Variants in HPSE observed in about 807,000 individuals in gnomAD.
HPSE encodes heparanase.
A neutral mutation model predicts 65.1 loss-of-function variants in HPSE; 48 were observed. The observed-to-expected ratio is 0.74, with a 90% confidence interval of 0.58 to 0.94. HPSE has a LOEUF of 0.94. Ranked by LOEUF, HPSE falls within the 40% of genes least tolerant of loss-of-function variation. HPSE has a pLI of 0.00. For synonymous variants in HPSE, 243 were observed against 260.0 expected (o/e 0.93, Z 0.63); for missense variants, 644 against 637.5 (o/e 1.01, Z -0.11).
chr4:83,319,447 G>T lies in HPSE; in HGVS notation c.396C>A (p.Ile132=), dbSNP rs769108131. The T allele has an allele frequency of 3.1e-6, 5 of 1,613,500 alleles. No individual in the cohort carries two copies. The Admixed American group carries it at 8.3e-5, about 27-fold the overall frequency. The change falls in exon 3 of 12, where the codon ATC becomes ATA. Residue 132 remains isoleucine, a synonymous_variant. Coordinates refer to ENST00000311412, the MANE Select transcript of HPSE (RefSeq NM_001098540.3). ...VNQDICKYGS[I]PPDVEEKLRL... is the part of the protein sequence containing the mutation. ...GTAACTTCTCCTCCACATCAGGAGGGATGGATCCATATTTGCAAATATCTG... is the reference window on the plus strand; with the variant it reads ...GTAACTTCTCCTCCACATCAGGAGGTATGGATCCATATTTGCAAATATCTG...
intron 11 of HPSE, 45 bp downstream of exon 11, chr4:83,300,915 A>G: frequency 7.4e-7 from 1 of 1,344,530 alleles, no homozygotes. Flanking sequence ...GATAAACACC[A>G]ATAAATTTAT....
rs114521203 is a variant in HPSE at position 83,319,256 on chromosome 4, C to T, written c.499+88G>A. ...AGTATTTTCAGCTTTATACAACTTC[C>T]GTAGGACTTGCTAGATTGGTGCCCG... On this transcript the variant is annotated intron_variant, in intron 3 of 11. Transcript: ENST00000311412. The T allele has an allele frequency of 9.2e-4, 1,218 of 1,323,812 alleles. 12 individuals carry two copies. The African/African-American group carries it at 0.016, about 17-fold the overall frequency. The allele number at this position is 1,323,812 out of a possible 1,614,324, so 82.0% of individuals were successfully genotyped here. A position where few individuals can be genotyped will look rare whatever the true frequency, so the allele number is the denominator to read the frequency against.
intron 11 of HPSE, among the ~76,000 whole-genome samples, chr4:83,299,879 A>T (rs886101496): frequency 2.0e-5 from 3 of 151,868 alleles, no homozygotes; most frequent in Admixed American, 2.0e-4. Flanking sequence ...TAATTTTGGT[A>T]TATTTTGTAG....
chr4:83,333,529 G>A (rs62303705), intron 1 of HPSE, among the ~76,000 whole-genome samples: 1 of 152,170 alleles, frequency 6.6e-6, no homozygotes, highest in Admixed American at 6.5e-5. Flanking sequence ...ATCTGGGCTG[G>A]TCAAGATGTG....
In HPSE at chr4:83,309,402, C is replaced by T. The variant is rs764072489; in HGVS notation, c.984G>A (p.Gln328=). The T allele has an allele frequency of 3.3e-6, 5 of 1,513,768 alleles. No homozygotes were observed. Among genetic ancestry groups the T allele is most frequent in the Admixed American group, 3.7e-5 (2 of 53,686 alleles). 93.8% of individuals were successfully genotyped at this position (1,513,768 alleles called of 1,614,324 possible). The part of the protein sequence containing the change: ...IFISSVQKVF[Q]VVESTRPGKK... ...TTAAAAAGTTTAAAAAGACTATTAC[C>T]TGGAAAACTTTTTGCACAGATGAAA... Residue 328 remains glutamine (Q), a splice_region_variant and synonymous_variant, in exon 7 of 12, where the codon CAG becomes CAA. Transcript: ENST00000311412.
At chr4:83,299,167 C>T (rs1560503230) in intron 11 of HPSE, among the ~76,000 whole-genome samples, 1 of 151,802 alleles carries the variant, frequency 6.6e-6, no homozygotes, top group African/African-American at 2.4e-5. Context: ...AGTTCAAGAC[C>T]AGCCTGGCCC....
chr4:83,311,982 G>A (rs768773505), intron 4 of HPSE, among the ~76,000 whole-genome samples: 13 of 152,128 alleles, frequency 8.5e-5, no homozygotes, highest in Admixed American at 3.3e-4. Flanking sequence ...TGAAGAAGGA[G>A]ACAGTCAGGA....
At chr4:83,309,966 G>A in intron 6 of HPSE, 65 bp downstream of exon 6, 1 of 1,178,476 alleles carries the variant, frequency 8.5e-7, no homozygotes, top group Non-Finnish European at 1.2e-6. Flanking sequence ...CTAACTTTTT[G>A]AATACTAGGT....
chr4:83,329,779 G>C (rs1737294784), intron 1 of HPSE, among the ~76,000 whole-genome samples: 1 of 152,156 alleles, frequency 6.6e-6, no homozygotes, highest in Non-Finnish European at 1.5e-5. Context: ...TTATCTAGGT[G>C]ACTTGAAGTC....
At chr4:83,315,322 C>T (rs1466284490) in intron 3 of HPSE, among the ~76,000 whole-genome samples, 1 of 152,108 alleles carries the variant, frequency 6.6e-6, no homozygotes, top group Non-Finnish European at 1.5e-5. Context: ...GAAAAGCTCT[C>T]TAGAGTCCTG....
At chr4:83,327,272 A>G (rs755974371) in intron 1 of HPSE, among the ~76,000 whole-genome samples, 3 of 152,202 alleles carry the variant, frequency 2.0e-5, no homozygotes, top group Non-Finnish European at 2.9e-5. Context: ...TGAAAACCCA[A>G]TACTGTTTGG....
At chr4:83,303,197 T>C (rs1007444683) in intron 9 of HPSE, among the ~76,000 whole-genome samples, 1 of 152,110 alleles carries the variant, frequency 6.6e-6, no homozygotes, top group Non-Finnish European at 1.5e-5. Flanking sequence ...TAACTACCAG[T>C]TTACAGGAAA....
chr4:83,310,117 C>A, intron 5 of HPSE, 39 bp from the exon 6 acceptor site: 1 of 1,313,194 alleles, frequency 7.6e-7, no homozygotes, highest in South Asian at 1.2e-5. Flanking sequence ...TCATATAATA[C>A]ATATATATGC....
chr4:83,320,025 G>A (rs993056690), intron 2 of HPSE, among the ~76,000 whole-genome samples: 12 of 58,108 alleles, frequency 2.1e-4, no homozygotes, highest in Non-Finnish European at 3.0e-5. Flanking sequence ...GCGAGACACT[G>A]TCTAAAAAAA....
At chr4:83,324,113 CTTTTTTTTTTTTTTTTT>C (rs398051210) in intron 1 of HPSE, among the ~76,000 whole-genome samples, 2 of 74,744 alleles carry the variant, frequency 2.7e-5, no homozygotes, top group Non-Finnish European at 4.8e-5. Flanking sequence ...TCTTCTTCTT[CTTTTTTTTTTTTTTTTT>C]TTTTTTTTGA....
At chr4:83,310,333 T>C (rs149002963) in intron 5 of HPSE, among the ~76,000 whole-genome samples, 1 of 151,398 alleles carries the variant, frequency 6.6e-6, no homozygotes, top group Admixed American at 6.7e-5. Flanking sequence ...ACATGTGGAC[T>C]ATTGAGGATT....
At position 83,301,014 on chromosome 4, in the gene HPSE, T is replaced by C. The variant is rs1205424208; in HGVS notation, c.1418A>G (p.Lys473Arg). 2 of 1,609,448 alleles carry C rather than the reference T, an allele frequency of 1.2e-6. No homozygotes were observed. Among genetic ancestry groups the C allele is most frequent in the South Asian group, 2.2e-5 (2 of 90,700 alleles). The change falls in exon 11 of 12, where the codon AAG becomes AGG. Residue 473 changes from lysine to arginine, a missense_variant. By Grantham distance (26) the Lys-to-Arg change is conservative. Transcript: ENST00000311412. Reference protein sequence around the residue: ...YLRLPYPFSNKQVDKYLLRPL... With the variant: ...YLRLPYPFSNRQVDKYLLRPL... Reference sequence around the variant, plus strand: ...TCTTAGAAGGTATTTATCCACTTGCTTGTTAGAAAAAGGATAGGGTAACCG... The same window carrying C: ...TCTTAGAAGGTATTTATCCACTTGCCTGTTAGAAAAAGGATAGGGTAACCG...
In HPSE at chr4:83,326,249, C is replaced by T. The variant is rs572888846; in HGVS notation, c.228-3885G>A. Reference sequence around the variant, plus strand: ...TTAAAATAACTTTTTTTAAATGAGACAGGTTTCACCTTGTTGGCCAGGCTG... The same window carrying T: ...TTAAAATAACTTTTTTTAAATGAGATAGGTTTCACCTTGTTGGCCAGGCTG... On this transcript the variant is annotated intron_variant, in intron 1 of 11. Coordinates refer to ENST00000311412, the MANE Select transcript of HPSE (RefSeq NM_001098540.3). The surrounding 1 kb of genome is among the most constrained non-coding windows in gnomAD (Gnocchi z 4.2). 1.3e-5 allele frequency among the ~76,000 whole-genome samples: 2 copies of T among 152,270 alleles called. No homozygotes were observed. Among genetic ancestry groups the T allele is most frequent in the African/African-American group, 4.8e-5 (2 of 41,556 alleles).
chr4:83,327,194 A>T (rs1737188781), intron 1 of HPSE, among the ~76,000 whole-genome samples: 1 of 152,204 alleles, frequency 6.6e-6, no homozygotes, highest in African/African-American at 2.4e-5. Context: ...TACTTAAGTG[A>T]ATGAATGAGC....
Sources: gnomAD v4.1 joint callset for allele counts (sites outside exome capture counted in the v4.1 genomes callset) on GRCh38, gnomAD v4.1.1 for gene constraint, Gnocchi (gnomAD v3.1) non-coding constraint, MANE v1.5 for transcripts, NCBI Gene and HGNC (gene_info 2026-07-23, HGNC 2026-07-21) for gene names.